ADGRG6: variants seen among roughly 807,000 people sequenced by gnomAD.
ADGRG6 encodes the protein adhesion G protein-coupled receptor G6, also known as G-protein coupled receptor 126.
In ADGRG6, 84 loss-of-function variants were observed where a neutral mutation model predicts 142.4. That is an observed-to-expected ratio of 0.59 (90% confidence interval 0.49 to 0.71). ADGRG6 has a LOEUF of 0.71. Ranked by LOEUF, ADGRG6 falls within the 30% of genes least tolerant of loss-of-function variation. The pLI is 0.00. For synonymous variants in ADGRG6, 521 were observed against 520.5 expected (o/e 1.00, Z -0.01); for missense variants, 1,367 against 1,466.6 (o/e 0.93, Z 1.11).
rs75602986 is a variant in ADGRG6 at position 142,380,630 on chromosome 6, T to G, written c.1070-1321T>G. ...TTGTTTTAGAAATTCTGTCTGCCAG[T>G]AAAATACCCATCTCTACTTTCTTAC... is the stretch of plus-strand genomic sequence containing the variant. On this transcript the variant is annotated intron_variant, in intron 4 of 24. Transcript: ENST00000367609. Among the ~76,000 whole-genome samples the G allele has an allele frequency of 4.8e-3, 729 of 152,284 alleles. 9 individuals are homozygous for G. Among genetic ancestry groups the G allele is most frequent in the African/African-American group, 0.017 (690 of 41,544 alleles).
At chr6:142,317,637 G>T (rs543778122) in intron 2 of ADGRG6, among the ~76,000 whole-genome samples, 2 of 140,328 alleles carry the variant, frequency 1.4e-5, no homozygotes, top group South Asian at 4.3e-4. Context: ...AGCGGTGTGT[G>T]TGTATTTGGG....
intron 22 of ADGRG6, among the ~76,000 whole-genome samples, chr6:142,421,913 G>A (rs768187159): frequency 5.3e-5 from 8 of 152,178 alleles, no homozygotes; most frequent in Non-Finnish European, 1.2e-4. Context: ...GTGATACAGA[G>A]CACATGAGTC....
intron 22 of ADGRG6, among the ~76,000 whole-genome samples, chr6:142,423,429 C>T (rs1014043979): frequency 1.3e-5 from 2 of 152,130 alleles, no homozygotes; most frequent in Non-Finnish European, 2.9e-5. Context: ...AATAGGGAAT[C>T]CTTTCCCCAT....
intron 20 of ADGRG6, among the ~76,000 whole-genome samples, chr6:142,416,416 C>T (rs190597029): frequency 5.9e-5 from 9 of 152,260 alleles, no homozygotes; most frequent in Non-Finnish European, 1.2e-4. Flanking sequence ...CCAGCTCAGA[C>T]GGCTAGTTAC....
At chr6:142,393,674 T>G (rs137957518) in intron 8 of ADGRG6, among the ~76,000 whole-genome samples, 2 of 152,298 alleles carry the variant, frequency 1.3e-5, no homozygotes, top group East Asian at 3.9e-4. Flanking sequence ...TATCAGAACG[T>G]CTCAGTTTCT....
chr6:142,365,873 C>T (rs1780920976), intron 2 of ADGRG6, among the ~76,000 whole-genome samples: 1 of 152,062 alleles, frequency 6.6e-6, no homozygotes, highest in African/African-American at 2.4e-5. Flanking sequence ...GTAGTAACTA[C>T]CATTTTTCAA....
At chr6:142,373,262 C>G (rs891063246) in intron 4 of ADGRG6, among the ~76,000 whole-genome samples, 1 of 151,690 alleles carries the variant, frequency 6.6e-6, no homozygotes, top group Non-Finnish European at 1.5e-5. Context: ...AGATTTAGTA[C>G]CAGGATAGGC....
At chr6:142,405,360 G>A (rs1775745534) in intron 14 of ADGRG6, 2 of 471,528 alleles carry the variant, frequency 4.2e-6, no homozygotes, top group Non-Finnish European at 8.4e-6. Context: ...CTTTCACTAC[G>A]TGTTTTGAGA....
chr6:142,307,518 A>G (rs1476936037), intron 1 of ADGRG6, among the ~76,000 whole-genome samples: 3 of 151,960 alleles, frequency 2.0e-5, no homozygotes, highest in Non-Finnish European at 4.4e-5. Flanking sequence ...GAAGTTTGTC[A>G]CCTACCGTTT....
intron 4 of ADGRG6, among the ~76,000 whole-genome samples, chr6:142,379,819 C>A (rs1781674811): frequency 1.3e-5 from 2 of 152,140 alleles, no homozygotes; most frequent in African/African-American, 4.8e-5. Flanking sequence ...CCCAAAATAT[C>A]TGAGACAGGT....
chr6:142,335,180 T>C (rs1469618385), intron 2 of ADGRG6, among the ~76,000 whole-genome samples: 33 of 152,226 alleles, frequency 2.2e-4, no homozygotes, highest in Non-Finnish European at 3.8e-4. Context: ...GAAATAGTGT[T>C]AAGTCATGGG....
At chr6:142,394,875 G>A (rs77550931) in intron 9 of ADGRG6, among the ~76,000 whole-genome samples, 13,086 of 152,058 alleles carry the variant, frequency 0.086, 652 homozygotes, top group East Asian at 0.25. Context: ...ATGTACAGGC[G>A]TGAGATGTCA....
chr6:142,383,922 T>C (rs990925864), intron 6 of ADGRG6, 79 bp downstream of exon 6: 4 of 744,870 alleles, frequency 5.4e-6, no homozygotes, highest in Non-Finnish European at 9.4e-6. Context: ...TATGTATTAT[T>C]CCAACAAAGT....
chr6:142,365,459 C>G (rs1780903345), intron 2 of ADGRG6, among the ~76,000 whole-genome samples: 1 of 152,058 alleles, frequency 6.6e-6, no homozygotes, highest in Non-Finnish European at 1.5e-5. Context: ...GCAAATATGA[C>G]AGTCACACAC....
At chr6:142,381,887 A>G in intron 4 of ADGRG6, 64 bp from the exon 5 acceptor site, 1 of 1,020,052 alleles carries the variant, frequency 9.8e-7, no homozygotes, top group Non-Finnish European at 1.5e-6. Flanking sequence ...CAACCGTATG[A>G]TTTTTCTGGA....
intron 2 of ADGRG6, among the ~76,000 whole-genome samples, chr6:142,326,096 C>T: frequency 6.6e-6 from 1 of 151,976 alleles, no homozygotes; most frequent in East Asian, 1.9e-4. Flanking sequence ...GCAAAATATG[C>T]ATGCCTGTAA....
chr6:142,439,858 T>A (rs1777659145), intron 24 of ADGRG6, among the ~76,000 whole-genome samples: 1 of 152,246 alleles, frequency 6.6e-6, no homozygotes, highest in Admixed American at 6.5e-5. Flanking sequence ...CTAAGATAGA[T>A]TATTCTACTT....
At chr6:142,310,414 A>G (rs1777707569) in intron 2 of ADGRG6, among the ~76,000 whole-genome samples, 2 of 151,686 alleles carry the variant, frequency 1.3e-5, no homozygotes, top group African/African-American at 2.4e-5. Flanking sequence ...TATTAGGCTT[A>G]TTATGTTTTC....
At chr6:142,344,335 T>C (rs1351779017) in intron 2 of ADGRG6, among the ~76,000 whole-genome samples, 1 of 152,010 alleles carries the variant, frequency 6.6e-6, no homozygotes, top group Non-Finnish European at 1.5e-5. Flanking sequence ...GAAAAGATTT[T>C]TGAAATGCTT....
Sources: gnomAD v4.1 joint callset for allele counts (sites outside exome capture counted in the v4.1 genomes callset) on GRCh38, gnomAD v4.1.1 for gene constraint, MANE v1.5 for transcripts, NCBI Gene and HGNC (gene_info 2026-07-23, HGNC 2026-07-21) for gene names.